GYS2: variants seen among roughly 807,000 people sequenced by gnomAD.
The protein encoded by GYS2 is glycogen [starch] synthase, liver.
In GYS2, 80 loss-of-function variants were observed where a neutral mutation model predicts 85.6. The observed-to-expected ratio is 0.93, with a 90% CI of 0.78 to 1.13. The LOEUF (loss-of-function observed/expected upper bound fraction) is 1.13. Ranked by LOEUF, GYS2 falls within the 50% of genes most tolerant of loss-of-function variation. The probability of loss-of-function intolerance (pLI) is 0.00; values close to 1 mark genes in which losing one functional copy is unlikely to be tolerated. For missense variants in GYS2, 881 were observed against 854.9 expected, an observed-to-expected ratio of 1.03 and a Z score of -0.38; for synonymous variants, 328 against 300.7, an observed-to-expected ratio of 1.09 and a Z score of -0.94.
At chr12:21,571,193 G>A (rs944205931) in intron 4 of GYS2, among the ~76,000 whole-genome samples, 1 of 152,196 alleles carries the variant, frequency 6.6e-6, no homozygotes, top group Admixed American at 6.5e-5. Flanking sequence ...GGGTGTGCAT[G>A]CTTCTGCCTT....
At chr12:21,537,220 G>T in intron 15 of GYS2, 45 bp from the exon 16 acceptor site, 1 of 1,379,844 alleles carries the variant, frequency 7.2e-7, no homozygotes, top group Non-Finnish European at 1.0e-6. Flanking sequence ...ACAGTTTCTT[G>T]GCTTTCAACG....
chr12:21,594,951 A>G (rs940427053), intron 1 of GYS2, among the ~76,000 whole-genome samples: 1 of 152,218 alleles, frequency 6.6e-6, no homozygotes, highest in African/African-American at 2.4e-5. Flanking sequence ...ACATATTTAT[A>G]GCCAACAGAT....
intron 14 of GYS2, among the ~76,000 whole-genome samples, chr12:21,539,673 T>G (rs1943949906): frequency 6.6e-6 from 1 of 152,052 alleles, no homozygotes; most frequent in African/African-American, 2.4e-5. Flanking sequence ...GGCCTGAATA[T>G]TCAGATAAAT....
In GYS2 at chr12:21,563,417, T is replaced by A; in HGVS notation, c.824-72A>T. On this transcript the variant is annotated intron_variant, in intron 5 of 15. Coordinates refer to ENST00000261195, the MANE Select transcript of GYS2 (RefSeq NM_021957.4). ...GGGTACCATTGTAGAAAAAAGTATC[T>A]TTAAAACTATAAAGTTAGATGTTTA... 3.7e-6 allele frequency: 3 copies of A among 820,916 alleles called. No homozygotes were observed. The South Asian group carries it at 4.1e-5, about 11-fold the overall frequency. 50.9% of individuals were successfully genotyped at this position (820,916 alleles called of 1,614,324 possible).
At chr12:21,571,872 G>A (rs1944390206) in intron 4 of GYS2, among the ~76,000 whole-genome samples, 1 of 152,098 alleles carries the variant, frequency 6.6e-6, no homozygotes, top group South Asian at 2.1e-4. Context: ...TGAGGCAGGG[G>A]AATCGCTTGA....
intron 3 of GYS2, among the ~76,000 whole-genome samples, chr12:21,575,331 T>C (rs1180705499): frequency 2.6e-5 from 4 of 152,288 alleles, no homozygotes; most frequent in Non-Finnish European, 5.9e-5. Context: ...ACTTATTTTG[T>C]TTGCCCTTAC....
rs181753887 is a variant in GYS2, at chr12:21,565,966, T to G, written c.824-2621A>C. Among the ~76,000 whole-genome samples the G allele has an allele frequency of 1.2e-3, 181 of 152,224 alleles. 1 individual carries two copies. Among genetic ancestry groups the G allele is most frequent in the African/African-American group, 4.2e-3 (175 of 41,550 alleles). ...ATTAATGACTATATTAAAGGGAAAA[T>G]GACAAATTTTTTTAAAGCAACATAA... is the stretch of plus-strand genomic sequence containing the variant. On this transcript the variant is annotated intron_variant, in intron 5 of 15. Transcript: ENST00000261195.
intron 10 of GYS2, 72 bp from the exon 11 acceptor site, chr12:21,558,385 T>A: frequency 1.1e-6 from 1 of 912,484 alleles, no homozygotes; most frequent in East Asian, 2.4e-5. Context: ...CAACAATAGG[T>A]CATTGACATT....
At chr12:21,564,681 G>A (rs1944296997) in intron 5 of GYS2, among the ~76,000 whole-genome samples, 1 of 152,092 alleles carries the variant, frequency 6.6e-6, no homozygotes, top group African/African-American at 2.4e-5. Flanking sequence ...ACTATATAAT[G>A]TGATTCGTAC....
At chr12:21,559,240 A>C (rs2136874544) in intron 9 of GYS2, 71 bp from the exon 10 acceptor site, 1 of 690,302 alleles carries the variant, frequency 1.4e-6, no homozygotes, top group Non-Finnish European at 2.5e-6. Context: ...TAAGCATCAG[A>C]TTATATATTA....
intron 11 of GYS2, among the ~76,000 whole-genome samples, chr12:21,547,703 G>A (rs781459750): frequency 2.0e-5 from 3 of 152,038 alleles, no homozygotes; most frequent in Non-Finnish European, 2.9e-5. Context: ...GAATACATTT[G>A]TCAAAACCCA....
intron 2 of GYS2, among the ~76,000 whole-genome samples, chr12:21,579,660 C>T (rs554144968): frequency 3.3e-5 from 5 of 152,182 alleles, no homozygotes; most frequent in South Asian, 2.1e-4. Flanking sequence ...CATGCCTGGC[C>T]GCTTTTTCTT....
chr12:21,578,745 CT>C (rs1485720407), intron 2 of GYS2, among the ~76,000 whole-genome samples: 2 of 151,940 alleles, frequency 1.3e-5, no homozygotes, highest in African/African-American at 4.8e-5. Context: ...AAAAATGATT[CT>C]TTCAGTATTG....
rs142629194 is a variant in GYS2 at position 21,582,040 on chromosome 12, C to T, written c.122-1517G>A. On this transcript the variant is annotated intron_variant, in intron 1 of 15. Transcript: ENST00000261195. The stretch of plus-strand genomic sequence containing the variant: ...AAAATGCTTCTGCACCGCAAAAGAC[C>T]GAATCAACAGAGTAAACGGATAACC... Among the ~76,000 whole-genome samples the T allele has an allele frequency of 5.6e-3, 855 of 151,814 alleles. 5 individuals are homozygous for T. The highest frequency in any genetic ancestry group is 7.8e-3 in the Admixed American group (119 of 15,226).
chr12:21,540,984 A>G (rs535268975), intron 13 of GYS2, among the ~76,000 whole-genome samples: 3 of 152,184 alleles, frequency 2.0e-5, no homozygotes, highest in Admixed American at 6.5e-5. Flanking sequence ...TAAAAGACTG[A>G]GGGAAGGCCA....
intron 1 of GYS2, among the ~76,000 whole-genome samples, chr12:21,603,101 T>C (rs1414166395): frequency 6.6e-6 from 1 of 152,106 alleles, no homozygotes; most frequent in African/African-American, 2.4e-5. Flanking sequence ...TGGAAAAATT[T>C]GTGACTAGAA....
intron 1 of GYS2, among the ~76,000 whole-genome samples, chr12:21,594,076 G>T (rs1473678322): frequency 2.0e-5 from 3 of 151,948 alleles, no homozygotes; most frequent in Non-Finnish European, 4.4e-5. Flanking sequence ...ACTATCTGCA[G>T]CCAATCATAG....
chr12:21,534,044 C>T (rs1015929291), downstream of GYS2, among the ~76,000 whole-genome samples: 1 of 152,132 alleles, frequency 6.6e-6, no homozygotes, highest in Non-Finnish European at 1.5e-5. Context: ...AAAGGCTCTG[C>T]CTCCTTTGTG....
chr12:21,558,217 G>T lies in GYS2; in HGVS notation c.1405C>A (p.Arg469Ser). The change falls in exon 11 of 16, where the codon CGC becomes AGC. Residue 469 changes from arginine to serine, a missense_variant. Coordinates refer to ENST00000261195, the MANE Select transcript of GYS2 (RefSeq NM_021957.4). ...TGTTCTACCTTGACTCTATCTGTGC[G>T]GTTGTTGAAAAGTCCAATCCGTCTA... The part of the protein sequence containing the change: ...TIRRIGLFNN[R>S]TDRVKVILHP... 3 of 1,604,488 alleles carry T rather than the reference G, an allele frequency of 1.9e-6. No individual in the cohort carries two copies. Among genetic ancestry groups the T allele is most frequent in the Non-Finnish European group, 2.6e-6 (3 of 1,171,324 alleles).
Sources: allele counts gnomAD v4.1 joint callset (sites outside exome capture counted in the v4.1 genomes callset), GRCh38; gene constraint gnomAD v4.1.1; transcripts MANE v1.5; gene names NCBI Gene and HGNC (gene_info 2026-07-23, HGNC 2026-07-21).